MYB: variants seen among roughly 807,000 people sequenced by gnomAD.
The protein encoded by MYB is transcriptional activator Myb.
MYB carries 28 observed loss-of-function variants against 92.9 expected under a neutral mutation model. The observed-to-expected ratio is 0.30, with a 90% CI of 0.22 to 0.41. The LOEUF is 0.41. Ranked by LOEUF, MYB falls within the 10% of genes least tolerant of loss-of-function variation. The pLI, the probability that MYB is intolerant of heterozygous loss-of-function variation, is 1.00. For missense variants in MYB, 679 were observed against 929.3 expected, an observed-to-expected ratio of 0.73 and a Z score of 3.50; for synonymous variants, 295 against 329.1, an observed-to-expected ratio of 0.90 and a Z score of 1.12.
chr6:135,218,062 A>G lies in MYB; in HGVS notation c.*82A>G, dbSNP rs1780693877. The G allele has an allele frequency of 1.8e-6, 2 of 1,114,878 alleles. No homozygotes were observed. The highest frequency in any genetic ancestry group is 1.7e-5 in the Admixed American group (1 of 57,332). The allele number at this position is 1,114,878 out of a possible 1,614,324, so 69.1% of individuals were successfully genotyped here. A position where few individuals can be genotyped will look rare whatever the true frequency, so the allele number is the denominator to read the frequency against. On this transcript the variant is annotated 3_prime_UTR_variant, in exon 16 of 16. Coordinates refer to ENST00000341911, the MANE Select transcript of MYB (RefSeq NM_001130173.2). ...ATCATTCCTCAACATGAAACTTTTC[A>G]TGAATGGGAGAAGAACCTATTTTTG...
rs573021237 is a variant in MYB, at chr6:135,217,799, C to T, written c.2170-65C>T. ...TTGCCATCTGTTGGTCAGTGCTGGC[C>T]CTGCTGGGTCTATAGAATGAGCTTC... On this transcript the variant is annotated intron_variant, in intron 15 of 15. Coordinates refer to ENST00000341911, the MANE Select transcript of MYB (RefSeq NM_001130173.2). 73 of 1,137,484 alleles carry T rather than the reference C, an allele frequency of 6.4e-5. No individual in the cohort carries two copies. The East Asian group carries it at 1.7e-3, about 26-fold the overall frequency. 70.5% of individuals were successfully genotyped at this position (1,137,484 alleles called of 1,614,324 possible). A position where few individuals can be genotyped will look rare whatever the true frequency, so the allele number is the denominator to read the frequency against.
intron 15 of MYB, among the ~76,000 whole-genome samples, chr6:135,208,019 G>T (rs920504056): frequency 6.6e-6 from 1 of 150,698 alleles, no homozygotes; most frequent in African/African-American, 2.4e-5. Context: ...GAGCCACCAC[G>T]CCTGGGCTAC....
intron 8 of MYB, 55 bp from the exon 9 acceptor site, chr6:135,195,693 C>T: frequency 1.9e-6 from 3 of 1,584,296 alleles, no homozygotes; most frequent in Non-Finnish European, 2.6e-6. Context: ...TTGCTAAGTT[C>T]CTTCTCCCTT....
intron 9 of MYB, 119 bp from the exon 10 acceptor site, chr6:135,196,842 A>G: frequency 3.1e-6 from 5 of 1,587,730 alleles, no homozygotes; most frequent in Non-Finnish European, 4.3e-6. Context: ...GCTGTTGCTC[A>G]AGAAGCCAAA....
chr6:135,196,666 G>A (rs1777357129), intron 9 of MYB: 2 of 1,120,538 alleles, frequency 1.8e-6, no homozygotes, highest in Non-Finnish European at 2.5e-6. Context: ...GTTAGGAGAT[G>A]ACCATTGCCG....
chr6:135,187,056 A>C (rs190685069), intron 2 of MYB, among the ~76,000 whole-genome samples: 56 of 152,314 alleles, frequency 3.7e-4, no homozygotes, highest in African/African-American at 1.3e-3. Context: ...TTGGTTTCCT[A>C]ATTCTTGTGT....
chr6:135,197,214 A>G lies in MYB; in HGVS notation c.1457A>G (p.Gln486Arg), dbSNP rs754206671. The G allele has an allele frequency of 1.2e-6, 2 of 1,613,986 alleles. No homozygotes were observed. Among genetic ancestry groups the G allele is most frequent in the Non-Finnish European group, 8.5e-7 (1 of 1,179,866 alleles). Reference sequence around the variant, plus strand: ...GTCATCCTTCGAAAAAAACGGGGCCAGGCCAGCCCCTTAGCCACTGGAGAC... The same window carrying G: ...GTCATCCTTCGAAAAAAACGGGGCCGGGCCAGCCCCTTAGCCACTGGAGAC... ...PLVILRKKRGQASPLATGDCS... is the reference protein window; with the variant it reads ...PLVILRKKRGRASPLATGDCS... The change falls in exon 10 of 16, where the codon CAG (glutamine) becomes CGG (arginine). Residue 486 changes from glutamine (Q) to arginine (R), a missense_variant. Physicochemically the swap from Gln to Arg is conservative, Grantham distance 43. Transcript: ENST00000341911.
rs777532841 is a variant in MYB at position 135,189,928 on chromosome 6, T to A, written c.306+45T>A. On this transcript the variant is annotated intron_variant, in intron 4 of 15. Transcript: ENST00000341911. ...GTGTGTGACTCATAATTAAGAATAT[T>A]CCCAAAATGCTAATATTTTCCTATT... 3 of 1,551,992 alleles carry A rather than the reference T, an allele frequency of 1.9e-6. No homozygotes were observed. The African/African-American group carries it at 4.1e-5, about 21-fold the overall frequency.
chr6:135,198,597 T>C (rs1777647349), intron 10 of MYB, among the ~76,000 whole-genome samples: 1 of 152,228 alleles, frequency 6.6e-6, no homozygotes, highest in Non-Finnish European at 1.5e-5. Context: ...CTAAAGCCTT[T>C]TAAATGTTAA....
chr6:135,214,017 A>G (rs1231387460), intron 15 of MYB, among the ~76,000 whole-genome samples: 3 of 152,132 alleles, frequency 2.0e-5, no homozygotes, highest in Non-Finnish European at 4.4e-5. Flanking sequence ...GCTTATCCTT[A>G]ATCCTAACCC....
rs1407442477 is a variant in MYB at position 135,189,995 on chromosome 6, CTA to C, written c.306+114_306+115del. On this transcript the variant is annotated intron_variant, in intron 4 of 15. Coordinates refer to ENST00000341911, the MANE Select transcript of MYB (RefSeq NM_001130173.2). ...ATGGGCAAACAGGAAGTAGAGGACT[CTA>C]TTCCCATATTTCCAGTGAATGAAAG... The C allele has an allele frequency of 8.7e-6, 12 of 1,383,674 alleles. No individual in the cohort carries two copies. The East Asian group carries it at 2.8e-4, about 32-fold the overall frequency. 85.7% of individuals were successfully genotyped at this position (1,383,674 alleles called of 1,614,324 possible).
At chr6:135,216,712 C>T (rs1011657459) in intron 15 of MYB, among the ~76,000 whole-genome samples, 6 of 152,162 alleles carry the variant, frequency 3.9e-5, no homozygotes, top group Non-Finnish European at 8.8e-5. Context: ...TGTTATGACT[C>T]TTCTTTATAC....
At position 135,181,456 on chromosome 6, in the gene MYB, A is replaced by T. The variant is rs1263463293; in HGVS notation, c.-58A>T. On this transcript the variant is annotated 5_prime_UTR_variant, in exon 1 of 16. Coordinates refer to ENST00000341911, the MANE Select transcript of MYB (RefSeq NM_001130173.2). The surrounding 1 kb of genome is among the most constrained non-coding windows in gnomAD (Gnocchi z 5.3). ...ACGCAGGCAGGCGGCGGGCAGCGGG[A>T]GGCGGCAGCCCGGTGCGGTCCCCGC... is the stretch of plus-strand genomic sequence containing the variant. 2.9e-5 allele frequency: 32 copies of T among 1,094,136 alleles called. No individual in the cohort carries two copies. Among genetic ancestry groups the T allele is most frequent in the Non-Finnish European group, 3.6e-5 (32 of 894,370 alleles). The allele number at this position is 1,094,136 out of a possible 1,614,324, so 67.8% of individuals were successfully genotyped here.
chr6:135,196,055 C>A, intron 9 of MYB, 53 bp downstream of exon 9: 1 of 1,565,688 alleles, frequency 6.4e-7, no homozygotes, highest in African/African-American at 1.4e-5. Context: ...AATTAGAAAA[C>A]CCATTTCTTA....
At chr6:135,188,446 T>A (rs1481984356) in intron 3 of MYB, among the ~76,000 whole-genome samples, 2 of 152,078 alleles carry the variant, frequency 1.3e-5, no homozygotes, top group Non-Finnish European at 2.9e-5. Context: ...GACTATCATA[T>A]AACTTCCTAA....
intron 8 of MYB, chr6:135,195,341 C>CT: frequency 6.3e-6 from 1 of 159,432 alleles, no homozygotes; most frequent in Non-Finnish European, 1.3e-5. Context: ...CAAAGCAACT[C>CT]TAACTCCTGA....
chr6:135,213,866 C>G lies in MYB; in HGVS notation c.2170-3998C>G, dbSNP rs577697087. 1.8e-3 allele frequency among the ~76,000 whole-genome samples: 272 copies of G among 152,174 alleles called. 4 individuals carry two copies. Among genetic ancestry groups the G allele is most frequent in the Admixed American group, 0.015 (230 of 15,292 alleles). ...TGCCAGCCTGGGCAAGGAGCAAGAC[C>G]CTCTCTCAAAAACGAAAACAAAAAA... On this transcript the variant is annotated intron_variant, in intron 15 of 15. Coordinates refer to ENST00000341911, the MANE Select transcript of MYB (RefSeq NM_001130173.2).
chr6:135,183,695 G>T (rs1016905212), intron 1 of MYB, among the ~76,000 whole-genome samples: 1 of 152,380 alleles, frequency 6.6e-6, no homozygotes, highest in Non-Finnish European at 1.5e-5. Flanking sequence ...AGCTGGGCGC[G>T]TGAGCAGCCC....
chr6:135,204,384 C>T (rs934406563), intron 15 of MYB, among the ~76,000 whole-genome samples: 4 of 152,102 alleles, frequency 2.6e-5, no homozygotes, highest in East Asian at 1.9e-4. Context: ...CTGCAACCTC[C>T]GCCTCCCAGA....
Sources: gnomAD v4.1 joint callset for allele counts (sites outside exome capture counted in the v4.1 genomes callset) on GRCh38, gnomAD v4.1.1 for gene constraint, Gnocchi (gnomAD v3.1) non-coding constraint, MANE v1.5 for transcripts, NCBI Gene and HGNC (gene_info 2026-07-23, HGNC 2026-07-21) for gene names.